EP300: variants seen among roughly 807,000 people sequenced by gnomAD.
The protein encoded by EP300 is histone acetyltransferase p300.
Under a neutral mutation model 264.0 loss-of-function variants are expected in EP300, and 31 were observed. The ratio of observed to expected loss-of-function variants is 0.12; its 90% CI spans 0.09 to 0.16. The LOEUF is 0.16. Ranked by LOEUF, EP300 falls within the 10% of genes least tolerant of loss-of-function variation. EP300 has a pLI of 1.00. For synonymous variants in EP300, 1,340 were observed against 1,045.4 expected (o/e 1.28, Z -5.44); for missense variants, 2,766 against 3,052.9 (o/e 0.91, Z 2.21).
rs1424915129 is a variant in EP300 at position 41,117,641 on chromosome 22, A to G, written c.549A>G (p.Gly183=). Residue 183 remains glycine, a synonymous_variant, in exon 2 of 31, where the codon GGA becomes GGG. Coordinates refer to ENST00000263253, the MANE Select transcript of EP300 (RefSeq NM_001429.4). ...CTGGAATGTTGGCTGCAGGCAATGG[A>G]CAAGGGATAATGCCTAATCAAGTCA... ...MNPGMLAAGN[G]QGIMPNQVMN... 1 of 1,614,232 alleles carries G rather than the reference A, an allele frequency of 6.2e-7. No homozygotes were observed. The highest frequency in any genetic ancestry group is 2.2e-5 in the East Asian group (1 of 44,892).
chr22:41,145,151 T>C (rs1187264940), intron 10 of EP300, among the ~76,000 whole-genome samples: 3 of 152,232 alleles, frequency 2.0e-5, no homozygotes, highest in Non-Finnish European at 4.4e-5. Flanking sequence ...GGTGAAAACA[T>C]TGTTTTGTAG....
intron 1 of EP300, among the ~76,000 whole-genome samples, chr22:41,107,810 C>T (rs1047781699): frequency 6.6e-6 from 1 of 152,122 alleles, no homozygotes; most frequent in Admixed American, 6.6e-5. Flanking sequence ...AAGCGATTCT[C>T]CTGCCTCAGC....
intron 1 of EP300, among the ~76,000 whole-genome samples, chr22:41,100,848 A>G (rs1329720293): frequency 1.3e-5 from 2 of 152,118 alleles, no homozygotes; most frequent in Non-Finnish European, 2.9e-5. Context: ...AACCATATAT[A>G]TATAGTATCA....
chr22:41,100,402 G>C (rs1314478993), intron 1 of EP300, among the ~76,000 whole-genome samples: 1 of 152,162 alleles, frequency 6.6e-6, no homozygotes. Context: ...GGAGTCTTAA[G>C]AGTAAGCCTT....
At position 41,108,865 on chromosome 22, in the gene EP300, C is replaced by T. The variant is rs549548682; in HGVS notation, c.95-8322C>T. 2.6e-5 allele frequency among the ~76,000 whole-genome samples: 4 copies of T among 152,088 alleles called. No individual in the cohort carries two copies. In the East Asian group the frequency reaches 7.7e-4, roughly 29 times the overall value. On this transcript the variant is annotated intron_variant, in intron 1 of 30. Transcript: ENST00000263253. ...TGTGATACTGTTTTTTAATATTTGC[C>T]ATAGGATAGTTAAAAGGTAATGGAA...
At chr22:41,157,904 G>T (rs535230378) in intron 18 of EP300, among the ~76,000 whole-genome samples, 1 of 152,262 alleles carries the variant, frequency 6.6e-6, no homozygotes, top group Non-Finnish European at 1.5e-5. Flanking sequence ...TTTTTTCAGA[G>T]TGGCAATTGT....
At chr22:41,135,934 G>A (rs754956727) in intron 7 of EP300, 28 bp downstream of exon 7, 1 of 1,513,046 alleles carries the variant, frequency 6.6e-7, no homozygotes, top group Admixed American at 1.7e-5. Context: ...TTATACCCTG[G>A]GTCACATTAC....
rs1461589152 is a variant in EP300 at position 41,178,460 on chromosome 22, G to C, written c.6749G>C (p.Gly2250Ala). The C allele has an allele frequency of 6.2e-7, 1 of 1,614,048 alleles. No individual in the cohort carries two copies. The highest frequency in any genetic ancestry group is 8.5e-7 in the Non-Finnish European group (1 of 1,179,998). The change falls in exon 31 of 31, where the codon GGA (glycine) becomes GCA (alanine). Residue 2250 changes from glycine to alanine, a missense_variant. Transcript: ENST00000263253. ...GQIGQLPQALGAEAGASLQAY... is the reference protein window; with the variant it reads ...GQIGQLPQALAAEAGASLQAY... ...ATAGGCCAGCTTCCCCAGGCCTTGG[G>C]AGCAGAGGCAGGTGCCAGTCTACAG...
At chr22:41,164,182 T>C in intron 22 of EP300, 52 bp downstream of exon 22, 1 of 1,511,474 alleles carries the variant, frequency 6.6e-7, no homozygotes, top group Non-Finnish European at 9.2e-7. Context: ...TCGTGAATAT[T>C]AACAAGTTTT....
intron 23 of EP300, among the ~76,000 whole-genome samples, chr22:41,167,839 T>G (rs1192777183): frequency 1.7e-4 from 17 of 97,494 alleles, no homozygotes; most frequent in Admixed American, 3.5e-4. Context: ...TTTTTTTTTT[T>G]TTTTTTTTTT....
Position 41,160,647 on chromosome 22 carries a change from A to G in EP300, c.3596A>G (p.His1199Arg). 6.2e-7 allele frequency: 1 copy of G among 1,613,894 alleles called. No individual in the cohort carries two copies. Among genetic ancestry groups the G allele is most frequent in the Non-Finnish European group, 8.5e-7 (1 of 1,179,886 alleles). Residue 1199 changes from histidine to arginine, a missense_variant, in exon 20 of 31, where the codon CAT (histidine) becomes CGT (arginine). By Grantham distance (29) the His-to-Arg change is conservative. Transcript: ENST00000263253. ...ATYYSYQNRY[H>R]FCEKCFNEIQ... ...TATGGCCTTCTTGCCGACAGGTATC[A>G]TTTCTGTGAGAAGTGTTTCAATGAG...
At chr22:41,095,877 A>G (rs1292624557) in intron 1 of EP300, among the ~76,000 whole-genome samples, 3 of 152,180 alleles carry the variant, frequency 2.0e-5, no homozygotes, top group African/African-American at 7.2e-5. Flanking sequence ...ATGGGATGAC[A>G]TGCTAAAGTG....
intron 28 of EP300, among the ~76,000 whole-genome samples, 160 bp from the exon 29 acceptor site, chr22:41,173,460 TAAC>T (rs1034001160): frequency 1.3e-5 from 2 of 152,124 alleles, no homozygotes; most frequent in Admixed American, 6.5e-5. Context: ...TTAGGTCAAA[TAAC>T]AACTTTAAGG....
At chr22:41,132,075 A>T (rs1010303717) in intron 6 of EP300, among the ~76,000 whole-genome samples, 2 of 151,708 alleles carry the variant, frequency 1.3e-5, no homozygotes, top group Non-Finnish European at 2.9e-5. Context: ...GCGTGCCTGT[A>T]ATCCTAGCTA....
chr22:41,140,801 G>T (rs1340069386), intron 9 of EP300, among the ~76,000 whole-genome samples: 1 of 152,210 alleles, frequency 6.6e-6, no homozygotes, highest in South Asian at 2.1e-4. Flanking sequence ...AAACAGGAGT[G>T]GGGTGGTGCT....
At chr22:41,125,581 A>T (rs549067070) in intron 2 of EP300, among the ~76,000 whole-genome samples, 57 of 152,106 alleles carry the variant, frequency 3.7e-4, no homozygotes, top group African/African-American at 1.3e-3. Flanking sequence ...GTTTTTTGCC[A>T]TCATGGCTCC....
At position 41,124,382 on chromosome 22, in the gene EP300, A is replaced by G. The variant is rs562698980; in HGVS notation, c.730-1482A>G. ...TGGAGTCTGGACTTCCGCATGCTCT[A>G]TGTAAAGGAGTCAGAATCAGAAGTT... On this transcript the variant is annotated intron_variant, in intron 2 of 30. Transcript: ENST00000263253. Among the ~76,000 whole-genome samples, 58 of 152,344 alleles carry G rather than the reference A, an allele frequency of 3.8e-4. 2 individuals are homozygous for G. The South Asian group carries it at 0.011, about 29-fold the overall frequency.
In EP300 at chr22:41,131,457, C is replaced by T; in HGVS notation, c.1352C>T (p.Pro451Leu). The change falls in exon 6 of 31, where the codon CCC becomes CTC. Residue 451 changes from proline (P) to leucine (L), a missense_variant. Transcript: ENST00000263253. ...CTAGGGGTGGGTCAACAGTCTGCCC[C>T]CAACCTAAGCACTGTTAGTCAGATT... The part of the protein sequence containing the change: ...SSLGVGQQSA[P>L]NLSTVSQIDP... 6.2e-7 allele frequency: 1 copy of T among 1,614,082 alleles called. No homozygotes were observed. Among genetic ancestry groups the T allele is most frequent in the Non-Finnish European group, 8.5e-7 (1 of 1,180,028 alleles).
At chr22:41,162,895 AACAT>A (rs1191318406) in intron 21 of EP300, 116 bp downstream of exon 21, 39 of 833,982 alleles carry the variant, frequency 4.7e-5, no homozygotes, top group Non-Finnish European at 8.0e-5. Flanking sequence ...AAATCTACAT[AACAT>A]ACATCTAATG....
Sources: allele counts gnomAD v4.1 joint callset (sites outside exome capture counted in the v4.1 genomes callset), GRCh38; gene constraint gnomAD v4.1.1; transcripts MANE v1.5; gene names NCBI Gene and HGNC (gene_info 2026-07-23, HGNC 2026-07-21).